Variants in LDLRAD4 observed in about 807,000 individuals in gnomAD.
LDLRAD4 encodes the protein low-density lipoprotein receptor class A domain-containing protein 4.
Under a neutral mutation model 17.0 loss-of-function variants are expected in LDLRAD4, and 5 were observed. The observed-to-expected ratio is 0.29, with a 90% CI of 0.15 to 0.62. The LOEUF is 0.62. LDLRAD4 is among the 20% of genes least tolerant of loss of function. The pLI is 0.84. For synonymous variants in LDLRAD4, 168 were observed against 171.8 expected, an observed-to-expected ratio of 0.98 and a Z score of 0.17; for missense variants, 340 against 424.7, an observed-to-expected ratio of 0.80 and a Z score of 1.75.
intron 1 of LDLRAD4, among the ~76,000 whole-genome samples, chr18:13,314,497 T>C (rs541387271): frequency 6.6e-6 from 1 of 152,348 alleles, no homozygotes; most frequent in South Asian, 2.1e-4. Flanking sequence ...CGCAGTGATC[T>C]TGAAAAGCTG....
intron 3 of LDLRAD4, among the ~76,000 whole-genome samples, chr18:13,567,299 G>T (rs1469377178): frequency 6.6e-6 from 1 of 152,238 alleles, no homozygotes; most frequent in East Asian, 1.9e-4. Context: ...TAATCTAACA[G>T]TGTCTGGATT....
intron 3 of LDLRAD4, among the ~76,000 whole-genome samples, chr18:13,609,939 G>A (rs2039332932): frequency 6.6e-6 from 1 of 152,028 alleles, no homozygotes; most frequent in Non-Finnish European, 1.5e-5. Context: ...CAGAAATTTC[G>A]CCACTGCACT....
intron 1 of LDLRAD4, among the ~76,000 whole-genome samples, chr18:13,384,952 T>C (rs940752450): frequency 3.9e-5 from 6 of 152,102 alleles, no homozygotes; most frequent in African/African-American, 1.4e-4. Context: ...AACACGGGAG[T>C]GTAGATATAT....
At chr18:13,643,332 C>G (rs752145173) in intron 4 of LDLRAD4, 27 bp from the exon 6 acceptor site, 5 of 1,451,276 alleles carry the variant, frequency 3.4e-6, no homozygotes, top group Non-Finnish European at 4.6e-6. Flanking sequence ...TTGTTCCCCC[C>G]ACTCTCCTCC....
intron 1 of LDLRAD4, among the ~76,000 whole-genome samples, chr18:13,268,915 G>A (rs990364079): frequency 8.5e-5 from 13 of 152,172 alleles, no homozygotes; most frequent in Admixed American, 5.9e-4. Flanking sequence ...GACATTATTC[G>A]CCAACAATTG....
rs186589008 is a variant in LDLRAD4 at position 13,257,124 on chromosome 18, G to A, written c.-466-20981G>A. ...AACGTTTCTGCCATGGAGTCATGCC[G>A]CGCTGGAGGGTCCGGCGGGACAGAC... On this transcript the variant is annotated intron_variant, in intron 1 of 5. Coordinates refer to the LDLRAD4 transcript ENST00000399848. Among the ~76,000 whole-genome samples, 93 of 152,322 alleles carry A rather than the reference G, an allele frequency of 6.1e-4. No individual in the cohort carries two copies. In the East Asian group the frequency reaches 0.014, roughly 23 times the overall value.
intron 1 of LDLRAD4, among the ~76,000 whole-genome samples, chr18:13,324,781 G>C (rs1050376734): frequency 5.9e-5 from 9 of 152,152 alleles, no homozygotes; most frequent in South Asian, 2.1e-4. Context: ...ACCCAAAAAG[G>C]GTTTCGACAA....
chr18:13,260,474 G>A lies in LDLRAD4; in HGVS notation c.-466-17631G>A, dbSNP rs77774373. 4.0e-3 allele frequency among the ~76,000 whole-genome samples: 612 copies of A among 152,318 alleles called. 3 individuals carry two copies. The highest frequency in any genetic ancestry group is 0.014 in the African/African-American group (578 of 41,558). Reference sequence around the variant, plus strand: ...TGCTTTGCAAATCTTTCTCTAATCCGTTTTGACAAATAGCTGAGTAGTATT... The same window carrying A: ...TGCTTTGCAAATCTTTCTCTAATCCATTTTGACAAATAGCTGAGTAGTATT... On this transcript the variant is annotated intron_variant, in intron 1 of 5. Transcript: ENST00000399848.
chr18:13,276,072 G>A (rs1411785612), upstream of LDLRAD4, among the ~76,000 whole-genome samples: 11 of 152,182 alleles, frequency 7.2e-5, no homozygotes, highest in South Asian at 2.1e-3. Flanking sequence ...GCAGTGGGTC[G>A]ATCTTGGCTC....
chr18:13,233,815 C>T (rs934354288), intron 1 of LDLRAD4, among the ~76,000 whole-genome samples: 2 of 152,028 alleles, frequency 1.3e-5, no homozygotes, highest in South Asian at 2.1e-4. Flanking sequence ...ACCTGCCTAC[C>T]GGGCATCTCT....
intron 1 of LDLRAD4, among the ~76,000 whole-genome samples, chr18:13,371,449 G>C (rs2084503184): frequency 1.3e-5 from 2 of 152,188 alleles, no homozygotes; most frequent in South Asian, 4.1e-4. Context: ...CTGGTGCACT[G>C]TCCACTAGGG....
At chr18:13,458,996 CCTGTAGAA>C (rs1386722721) in intron 3 of LDLRAD4, among the ~76,000 whole-genome samples, 3 of 152,112 alleles carry the variant, frequency 2.0e-5, no homozygotes, top group African/African-American at 7.2e-5. Flanking sequence ...GGATTCCCAA[CCTGTAGAA>C]CTGTAAAGTA....
Position 13,645,104 on chromosome 18 carries a change from A to G in LDLRAD4, c.391-23A>G, listed in dbSNP as rs1177980321. The G allele has an allele frequency of 6.3e-7, 1 of 1,581,730 alleles. No homozygotes were observed. Among genetic ancestry groups the G allele is most frequent in the African/African-American group, 1.3e-5 (1 of 74,430 alleles). ...CATCATTGCGCTCAAACTGTCTTCA[A>G]GCCTCTCCTCTTTTCCTTCCAGATC... On this transcript the variant is annotated intron_variant, in intron 5 of 5. Coordinates refer to ENST00000359446, the Ensembl canonical transcript of LDLRAD4. This position sits in a 1 kb window ranked among gnomAD's most constrained non-coding sequence, Gnocchi z 5.7.
At chr18:13,469,547 G>C (rs939099105) in intron 3 of LDLRAD4, among the ~76,000 whole-genome samples, 1 of 152,222 alleles carries the variant, frequency 6.6e-6, no homozygotes, top group African/African-American at 2.4e-5. Context: ...ATATTACTCA[G>C]CCATAAAAAG....
At chr18:13,595,925 G>A (rs1278832196) in intron 3 of LDLRAD4, among the ~76,000 whole-genome samples, 1 of 152,042 alleles carries the variant, frequency 6.6e-6, no homozygotes, top group Non-Finnish European at 1.5e-5. Flanking sequence ...TTTCCTTGTC[G>A]ATCCTCTGCC....
At chr18:13,315,800 A>T (rs1599349517) in intron 1 of LDLRAD4, among the ~76,000 whole-genome samples, 1 of 151,812 alleles carries the variant, frequency 6.6e-6, no homozygotes, top group Non-Finnish European at 1.5e-5. Context: ...AAAAAAAAAA[A>T]AGAATGTATA....
intron 1 of LDLRAD4, among the ~76,000 whole-genome samples, chr18:13,329,333 T>G (rs1481762569): frequency 3.3e-5 from 5 of 152,264 alleles, no homozygotes; most frequent in Non-Finnish European, 1.5e-5. Context: ...ATCAGTTTTT[T>G]AAAGGTTTCT....
At chr18:13,456,384 C>G (rs934735104) in intron 3 of LDLRAD4, among the ~76,000 whole-genome samples, 1 of 152,208 alleles carries the variant, frequency 6.6e-6, no homozygotes, top group African/African-American at 2.4e-5. Context: ...TGCACCTTGC[C>G]AGGGTTTCCC....
At chr18:13,319,737 G>T (rs1034781616) in intron 1 of LDLRAD4, among the ~76,000 whole-genome samples, 64 of 152,266 alleles carry the variant, frequency 4.2e-4, no homozygotes, top group African/African-American at 1.4e-3. Flanking sequence ...AAACAGTACA[G>T]ATCGTCTATA....
Sources: gnomAD v4.1 joint callset for allele counts (sites outside exome capture counted in the v4.1 genomes callset) on GRCh38, gnomAD v4.1.1 for gene constraint, Gnocchi (gnomAD v3.1) non-coding constraint, MANE v1.5 for transcripts, NCBI Gene and HGNC (gene_info 2026-07-23, HGNC 2026-07-21) for gene names.